Variants in NRN1 observed in about 807,000 individuals in gnomAD.
The protein encoded by NRN1 is neuritin.
A neutral mutation model predicts 15.0 loss-of-function variants in NRN1; 4 were observed. The ratio of observed to expected loss-of-function variants is 0.27; its 90% CI spans 0.13 to 0.61. NRN1 has a LOEUF of 0.61. Among genes scored for constraint, NRN1 ranks in the 20% least tolerant of loss-of-function variants. The pLI, the probability that NRN1 is intolerant of heterozygous loss-of-function variation, is 0.87. For synonymous variants in NRN1, 85 were observed against 79.8 expected (o/e 1.07, Z -0.35); for missense variants, 134 against 181.9 (o/e 0.74, Z 1.51).
chr6:6,006,960 TGA>T (rs1386820484), upstream of NRN1: 586 of 39,768 alleles, frequency 0.015, 5 homozygotes, highest in Middle Eastern at 0.073. Context: ...AGAGAGAGGC[TGA>T]GGGGGGGGGG....
intron 1 of NRN1, among the ~76,000 whole-genome samples, chr6:6,003,484 G>T (rs948312833): frequency 6.6e-6 from 1 of 152,352 alleles, no homozygotes; most frequent in Admixed American, 6.5e-5. Flanking sequence ...TTCTTCTCCA[G>T]GTGCCAGCCC....
chr6:6,005,457 A>G (rs1425867505), intron 1 of NRN1, among the ~76,000 whole-genome samples: 1 of 152,254 alleles, frequency 6.6e-6, no homozygotes, highest in Admixed American at 6.5e-5. Flanking sequence ...TTTCTGCATT[A>G]TAAAATCTCA....
In NRN1 at chr6:6,002,517, C is replaced by A. The variant is rs1022283092; in HGVS notation, c.56-20G>T. The A allele has an allele frequency of 1.2e-6, 2 of 1,606,726 alleles. No homozygotes were observed. The highest frequency in any genetic ancestry group is 1.7e-6 in the Non-Finnish European group (2 of 1,175,352). ...GATACGCTGCGGGGAGGAGGGAACA[C>A]CGGTCAGCAGCGCCACGACCCCGCC... On this transcript the variant is annotated intron_variant, in intron 1 of 2. Transcript: ENST00000244766.
intron 2 of NRN1, 78 bp downstream of exon 2, chr6:6,002,275 A>C (rs1426406523): frequency 1.3e-6 from 2 of 1,532,998 alleles, no homozygotes; most frequent in African/African-American, 2.7e-5. Context: ...CGCTGAGCGC[A>C]GGCGGGGAGG....
chr6:5,998,670 T>A lies in NRN1; in HGVS notation c.*306A>T, dbSNP rs1757835563. 1 of 225,270 alleles carries A rather than the reference T, an allele frequency of 4.4e-6. No homozygotes were observed. Among genetic ancestry groups the A allele is most frequent in the Non-Finnish European group, 8.7e-6 (1 of 115,584 alleles). The allele number at this position is 225,270 out of a possible 1,614,324, so 14.0% of individuals were successfully genotyped here. A position where few individuals can be genotyped will look rare whatever the true frequency, so the allele number is the denominator to read the frequency against. On this transcript the variant is annotated 3_prime_UTR_variant, in exon 3 of 3. Transcript: ENST00000244766. ...GAGATTCTTTTGCCAACAAAAAAAA[T>A]TAATAATAATAAAATTAAAAAATGG...
chr6:6,004,272 A>T (rs1758048434), intron 1 of NRN1, among the ~76,000 whole-genome samples: 1 of 152,254 alleles, frequency 6.6e-6, no homozygotes, highest in African/African-American at 2.4e-5. Context: ...GTAAAATCTT[A>T]AGAATAAACG....
intron 2 of NRN1, 81 bp downstream of exon 2, chr6:6,002,272 C>T: frequency 4.6e-6 from 7 of 1,528,276 alleles, no homozygotes; most frequent in Non-Finnish European, 6.3e-6. Flanking sequence ...GAACGCTGAG[C>T]GCAGGCGGGG....
At chr6:6,002,583 G>T in intron 1 of NRN1, 86 bp from the exon 2 acceptor site, 1 of 1,529,674 alleles carries the variant, frequency 6.5e-7, no homozygotes, top group Non-Finnish European at 8.8e-7. Flanking sequence ...CTGGCTCCGC[G>T]CGGCCTCATC....
At chr6:6,005,200 T>C (rs1242279422) in intron 1 of NRN1, among the ~76,000 whole-genome samples, 1 of 152,184 alleles carries the variant, frequency 6.6e-6, no homozygotes, top group African/African-American at 2.4e-5. Context: ...TCTTGTCCGA[T>C]TAAAATTTCT....
intron 1 of NRN1, chr6:6,003,866 T>A (rs1340061110): frequency 8.1e-7 from 1 of 1,231,880 alleles, no homozygotes; most frequent in Non-Finnish European, 1.0e-6. Flanking sequence ...AGAATCGAAA[T>A]CCGCACTGGC....
intron 1 of NRN1, chr6:6,003,763 G>A (rs1050974900): frequency 2.4e-6 from 3 of 1,234,126 alleles, no homozygotes; most frequent in African/African-American, 1.6e-5. Context: ...GAACCCGGCT[G>A]GAAGCTGAGT....
chr6:6,000,748 T>TTTTTTTTTTTTTTTTTTA lies in NRN1; in HGVS notation c.201-1545_201-1544insTAAAAAAAAAAAAAAAAA, dbSNP rs1554145373. Among the ~76,000 whole-genome samples the TTTTTTTTTTTTTTTTTTA allele has an allele frequency of 2.2e-4, 22 of 99,132 alleles. 4 individuals carry two copies. Among genetic ancestry groups the TTTTTTTTTTTTTTTTTTA allele is most frequent in the South Asian group, 8.1e-4 (2 of 2,476 alleles). 65.0% of individuals were successfully genotyped at this position (99,132 alleles called of 152,430 possible). On this transcript the variant is annotated intron_variant, in intron 2 of 2. Transcript: ENST00000244766. ...TTTTTTTTTTTTTTTTTTTTTTTTT[T>TTTTTTTTTTTTTTTTTTA]ATGTACGCCCAGATGAGGGCAGAGT...
chr6:6,003,046 G>T (rs1392636846), intron 1 of NRN1: 33 of 542,070 alleles, frequency 6.1e-5, no homozygotes, highest in Middle Eastern at 2.8e-4. Context: ...TAAGCCTCAG[G>T]CTTGGCGCTC....
chr6:5,999,994 A>T (rs1163430218), intron 2 of NRN1, among the ~76,000 whole-genome samples: 1 of 152,040 alleles, frequency 6.6e-6, no homozygotes, highest in Non-Finnish European at 1.5e-5. Context: ...CGTAGCCTTC[A>T]TCTGCTCTTG....
Position 6,002,558 on chromosome 6 carries a change from C to T in NRN1, c.56-61G>A. On this transcript the variant is annotated intron_variant, in intron 1 of 2. Coordinates refer to ENST00000244766, the MANE Select transcript of NRN1 (RefSeq NM_016588.3). ...CGACCCCGCCCTGCCGCCCACTGCC[C>T]TTTCCTGCGAGACCCTGGCTCCGCG... is the stretch of plus-strand genomic sequence containing the variant. The T allele has an allele frequency of 1.9e-6, 3 of 1,578,076 alleles. No individual in the cohort carries two copies. The South Asian group carries it at 3.4e-5, about 18-fold the overall frequency.
chr6:6,001,997 A>G (rs990619900), intron 2 of NRN1, among the ~76,000 whole-genome samples: 2 of 152,252 alleles, frequency 1.3e-5, no homozygotes, highest in African/African-American at 4.8e-5. Flanking sequence ...CAAGGCAGAG[A>G]GATCTTGCAG....
Position 5,998,446 on chromosome 6 carries a change from T to G in NRN1, c.*530A>C, listed in dbSNP as rs1757827902. 1 of 152,674 alleles carries G rather than the reference T, an allele frequency of 6.5e-6. No homozygotes were observed. Among genetic ancestry groups the G allele is most frequent in the African/African-American group, 2.4e-5 (1 of 41,438 alleles). The allele number at this position is 152,674 out of a possible 1,614,324, so 9.5% of individuals were successfully genotyped here. A position where few individuals can be genotyped will look rare whatever the true frequency, so the allele number is the denominator to read the frequency against. ...CTTTCGCTTTTCTTGAGGAGAAATGTGCAGTGGAAATGATCAAAACAAGAT... is the reference window on the plus strand; with the variant it reads ...CTTTCGCTTTTCTTGAGGAGAAATGGGCAGTGGAAATGATCAAAACAAGAT... On this transcript the variant is annotated 3_prime_UTR_variant, in exon 3 of 3. Transcript: ENST00000244766.
intron 1 of NRN1, among the ~76,000 whole-genome samples, chr6:6,006,003 T>G (rs1758100701): frequency 6.6e-6 from 1 of 152,230 alleles, no homozygotes; most frequent in Non-Finnish European, 1.5e-5. Context: ...CCCTTTCCTA[T>G]ATATAAAATG....
chr6:6,002,266 G>T, intron 2 of NRN1, 87 bp downstream of exon 2: 3 of 1,506,480 alleles, frequency 2.0e-6, no homozygotes, highest in Non-Finnish European at 1.8e-6. Context: ...GGCGCTGAAC[G>T]CTGAGCGCAG....
Sources: gnomAD v4.1 joint callset for allele counts (sites outside exome capture counted in the v4.1 genomes callset) on GRCh38, gnomAD v4.1.1 for gene constraint, MANE v1.5 for transcripts, NCBI Gene and HGNC (gene_info 2026-07-23, HGNC 2026-07-21) for gene names.